The following ATG10 variants were observed in gnomAD, a reference collection of about 807,000 sequenced individuals.
The protein encoded by ATG10 is autophagy related 10, also known as ubiquitin-like-conjugating enzyme ATG10.
A neutral mutation model predicts 32.1 loss-of-function variants in ATG10; 30 were observed. The observed-to-expected ratio is 0.94, with a 90% CI of 0.70 to 1.27. ATG10 has a LOEUF of 1.27. Among genes scored for constraint, ATG10 ranks in the 50% most tolerant of loss-of-function variants. The pLI is 0.00. For missense variants in ATG10, 233 were observed against 262.3 expected, an observed-to-expected ratio of 0.89 and a Z score of 0.77; for synonymous variants, 87 against 91.5, an observed-to-expected ratio of 0.95 and a Z score of 0.28.
chr5:82,068,669 C>T lies in ATG10; in HGVS notation c.216+10067C>T, dbSNP rs1030438246. ...GAGGAAGATATGTTGACTTTATAAC[C>T]GAATCTAAACTTAAATATATATATA... On this transcript the variant is annotated intron_variant, in intron 3 of 7. Coordinates refer to ENST00000282185, the MANE Select transcript of ATG10 (RefSeq NM_031482.5). Among the ~76,000 whole-genome samples, 4 of 144,554 alleles carry T rather than the reference C, an allele frequency of 2.8e-5. No homozygotes were observed. The Admixed American group carries it at 2.8e-4, about 10-fold the overall frequency. The allele number at this position is 144,554 out of a possible 152,430, so 94.8% of individuals were successfully genotyped here. A position where few individuals can be genotyped will look rare whatever the true frequency, so the allele number is the denominator to read the frequency against.
chr5:82,123,668 G>A (rs775110181), intron 3 of ATG10, among the ~76,000 whole-genome samples: 1 of 148,820 alleles, frequency 6.7e-6, no homozygotes, highest in Non-Finnish European at 1.5e-5. Flanking sequence ...GGTGGCTTAC[G>A]CCTGTAATCC....
At chr5:82,187,477 C>A (rs1744495130) in intron 5 of ATG10, among the ~76,000 whole-genome samples, 3 of 146,662 alleles carry the variant, frequency 2.0e-5, no homozygotes, top group Admixed American at 6.8e-5. Context: ...CATGCCACTG[C>A]ACTCCAGCTT....
At chr5:82,125,422 C>T (rs1225639352) in intron 3 of ATG10, among the ~76,000 whole-genome samples, 1 of 152,012 alleles carries the variant, frequency 6.6e-6, no homozygotes, top group Non-Finnish European at 1.5e-5. Context: ...GGTTTTAGGT[C>T]TTTAATCCAT....
chr5:82,129,524 T>C (rs1461852969), intron 3 of ATG10, among the ~76,000 whole-genome samples: 2 of 152,136 alleles, frequency 1.3e-5, no homozygotes, highest in Admixed American at 1.3e-4. Context: ...CGGATGGGGT[T>C]TCTTTGTGGA....
At chr5:82,150,300 C>G (rs182643188) in intron 3 of ATG10, among the ~76,000 whole-genome samples, 48 of 146,190 alleles carry the variant, frequency 3.3e-4, no homozygotes, top group Non-Finnish European at 5.1e-4. Flanking sequence ...GAGGTTAGAA[C>G]TGACAAATCA....
At chr5:82,054,491 C>T (rs963253896) in intron 2 of ATG10, among the ~76,000 whole-genome samples, 9 of 152,188 alleles carry the variant, frequency 5.9e-5, no homozygotes, top group African/African-American at 1.7e-4. Flanking sequence ...CACCAGTCCA[C>T]GAGAGTCAAT....
chr5:82,115,237 G>A (rs144558335), intron 3 of ATG10, among the ~76,000 whole-genome samples: 5 of 152,184 alleles, frequency 3.3e-5, no homozygotes, highest in African/African-American at 9.6e-5. Context: ...AAATGATTGG[G>A]TAGTAAGTGA....
chr5:82,187,132 A>G (rs1744477421), intron 5 of ATG10, among the ~76,000 whole-genome samples: 1 of 150,678 alleles, frequency 6.6e-6, no homozygotes, highest in South Asian at 2.1e-4. Context: ...ACATAACAAG[A>G]CCCCATCTCT....
intron 2 of ATG10, among the ~76,000 whole-genome samples, chr5:82,015,745 T>C (rs879426621): frequency 6.6e-6 from 1 of 152,168 alleles, no homozygotes; most frequent in Admixed American, 6.6e-5. Flanking sequence ...GTTTTCAAGG[T>C]TTTTAGCTTC....
At chr5:81,996,992 C>T (rs894028123) in intron 2 of ATG10, among the ~76,000 whole-genome samples, 8 of 152,186 alleles carry the variant, frequency 5.3e-5, no homozygotes, top group Non-Finnish European at 7.3e-5. Flanking sequence ...CTGCCAGTCT[C>T]GTGTCTGCCA....
intron 5 of ATG10, among the ~76,000 whole-genome samples, chr5:82,179,846 G>C (rs760694881): frequency 1.3e-5 from 2 of 152,030 alleles, no homozygotes; most frequent in Non-Finnish European, 2.9e-5. Context: ...TTAGCATCTT[G>C]TAAGTGGTTC....
At chr5:82,032,161 G>A (rs1194092360) in intron 2 of ATG10, among the ~76,000 whole-genome samples, 1 of 152,222 alleles carries the variant, frequency 6.6e-6, no homozygotes, top group African/African-American at 2.4e-5. Flanking sequence ...TTTGCCCCTG[G>A]AAACGTGTAA....
chr5:82,227,104 GAATT>G (rs971207025), intron 5 of ATG10, among the ~76,000 whole-genome samples: 7 of 152,044 alleles, frequency 4.6e-5, no homozygotes, highest in African/African-American at 1.7e-4. Context: ...AGTTTTAAAG[GAATT>G]AATTTTCAGA....
At chr5:82,094,424 AATG>A (rs1489262481) in intron 3 of ATG10, among the ~76,000 whole-genome samples, 1 of 152,116 alleles carries the variant, frequency 6.6e-6, no homozygotes, top group Non-Finnish European at 1.5e-5. Context: ...AACAAATAAT[AATG>A]ATATATATAG....
chr5:82,040,270 G>T (rs1763045364), intron 2 of ATG10, among the ~76,000 whole-genome samples: 1 of 152,164 alleles, frequency 6.6e-6, no homozygotes, highest in Non-Finnish European at 1.5e-5. Context: ...ATTAATAACA[G>T]AAATACAAAA....
chr5:82,173,174 T>A (rs907693605), intron 4 of ATG10, among the ~76,000 whole-genome samples: 2 of 152,188 alleles, frequency 1.3e-5, no homozygotes, highest in Non-Finnish European at 2.9e-5. Flanking sequence ...AAAATGTTAG[T>A]GAAACCGTGC....
At chr5:82,111,902 A>G (rs1030525231) in intron 3 of ATG10, among the ~76,000 whole-genome samples, 1 of 152,062 alleles carries the variant, frequency 6.6e-6, no homozygotes, top group African/African-American at 2.4e-5. Flanking sequence ...TTGTGTTCAT[A>G]TATCTGTTTT....
intron 2 of ATG10, among the ~76,000 whole-genome samples, chr5:81,995,137 T>C (rs1329436563): frequency 6.6e-6 from 1 of 152,116 alleles, no homozygotes; most frequent in African/African-American, 2.4e-5. Flanking sequence ...TGTGTGTGTG[T>C]GTGTGTGTTT....
At chr5:82,040,357 ACAAC>A (rs1190462144) in intron 2 of ATG10, among the ~76,000 whole-genome samples, 1 of 152,234 alleles carries the variant, frequency 6.6e-6, no homozygotes, top group Admixed American at 6.5e-5. Context: ...GATTTATAAA[ACAAC>A]CAGAATGATA....
Sources: gnomAD v4.1 joint callset for allele counts (sites outside exome capture counted in the v4.1 genomes callset) on GRCh38, gnomAD v4.1.1 for gene constraint, MANE v1.5 for transcripts, NCBI Gene and HGNC (gene_info 2026-07-23, HGNC 2026-07-21) for gene names.